Variants in CPQ observed in about 807,000 individuals in gnomAD.
CPQ encodes carboxypeptidase Q, also known as Ser-Met dipeptidase.
CPQ carries 37 observed loss-of-function variants against 45.7 expected under a neutral mutation model. The observed-to-expected ratio is 0.81, with a 90% CI of 0.62 to 1.07. CPQ has a LOEUF of 1.07. Among genes scored for constraint, CPQ ranks in the 50% least tolerant of loss-of-function variants. The pLI, the probability that CPQ is intolerant of heterozygous loss-of-function variation, is 0.00. For missense variants in CPQ, 537 were observed against 572.9 expected, an observed-to-expected ratio of 0.94 and a Z score of 0.64; for synonymous variants, 186 against 205.8, an observed-to-expected ratio of 0.90 and a Z score of 0.82.
chr8:97,130,283 T>A (rs1232029746), intron 7 of CPQ, among the ~76,000 whole-genome samples: 1 of 152,160 alleles, frequency 6.6e-6, no homozygotes, highest in African/African-American at 2.4e-5. Flanking sequence ...TATAAACTCG[T>A]CCCTGGCATC....
intron 4 of CPQ, among the ~76,000 whole-genome samples, chr8:96,895,096 G>A (rs1383355356): frequency 6.6e-6 from 1 of 152,046 alleles, no homozygotes; most frequent in East Asian, 1.9e-4. Context: ...CTTTATGGTT[G>A]CAAAAATCAC....
chr8:96,914,518 C>G (rs1274711160), intron 4 of CPQ, among the ~76,000 whole-genome samples: 2 of 152,120 alleles, frequency 1.3e-5, no homozygotes, highest in African/African-American at 4.8e-5. Context: ...TGACTTGTGT[C>G]CACAAATCTG....
intron 7 of CPQ, among the ~76,000 whole-genome samples, chr8:97,136,378 A>G (rs1812058305): frequency 6.6e-6 from 1 of 152,240 alleles, no homozygotes; most frequent in Non-Finnish European, 1.5e-5. Context: ...TACTGTTGAT[A>G]TAGATTGGCT....
In CPQ at chr8:97,011,236, A is replaced by G. The variant is rs79380057; in HGVS notation, c.962-18167A>G. Among the ~76,000 whole-genome samples the G allele has an allele frequency of 5.8e-3, 878 of 152,312 alleles. 6 individuals are homozygous for G. The highest frequency in any genetic ancestry group is 0.02 in the African/African-American group (814 of 41,578). The stretch of plus-strand genomic sequence containing the variant: ...TGACTGTCTTAGGGACTGATTGCTT[A>G]TCTCTATCAGCCAAGAAAATGCCCT... On this transcript the variant is annotated intron_variant, in intron 5 of 7. Coordinates refer to ENST00000220763, the MANE Select transcript of CPQ (RefSeq NM_016134.4).
rs1157345356 is a variant in CPQ, at chr8:96,850,583, AT to A, written c.641+15407del. 4.7e-3 allele frequency among the ~76,000 whole-genome samples: 490 copies of A among 105,080 alleles called. 2 individuals carry two copies. The highest frequency in any genetic ancestry group is 0.013 in the African/African-American group (343 of 26,020). The allele number at this position is 105,080 out of a possible 152,430, so 68.9% of individuals were successfully genotyped here. On this transcript the variant is annotated intron_variant, in intron 3 of 7. Coordinates refer to ENST00000220763, the MANE Select transcript of CPQ (RefSeq NM_016134.4). ...TTTTATTTTTATTTTATTTTATTTT[AT>A]TTTATTTATTTATTTATTTATTTAT...
In CPQ at chr8:97,097,872, A is replaced by G. The variant is rs186846143; in HGVS notation, c.1255+31662A>G. Among the ~76,000 whole-genome samples the G allele has an allele frequency of 1.1e-3, 164 of 152,324 alleles. 1 individual carries two copies. Among genetic ancestry groups the G allele is most frequent in the Non-Finnish European group, 2.2e-4 (15 of 68,034 alleles). On this transcript the variant is annotated intron_variant, in intron 7 of 7. Transcript: ENST00000220763. ...AGAGAGGTTTCTGGAAGTACCACAC[A>G]TGACTTCTGCCCAAATTCCATTGGC... is the stretch of plus-strand genomic sequence containing the variant.
intron 4 of CPQ, among the ~76,000 whole-genome samples, chr8:96,928,757 C>A (rs370445602): frequency 6.6e-6 from 1 of 152,288 alleles, no homozygotes; most frequent in African/African-American, 2.4e-5. Flanking sequence ...TGTTCACAGA[C>A]TGAAAGTTGC....
At chr8:96,743,748 G>C (rs202039066) in intron 1 of CPQ, among the ~76,000 whole-genome samples, 23 of 152,238 alleles carry the variant, frequency 1.5e-4, no homozygotes, top group African/African-American at 5.5e-4. Flanking sequence ...TGAGGTGTCA[G>C]TGTGCCCCTG....
chr8:96,786,582 T>C (rs1484377014), intron 2 of CPQ, among the ~76,000 whole-genome samples: 1 of 152,200 alleles, frequency 6.6e-6, no homozygotes, highest in African/African-American at 2.4e-5. Context: ...GCTCTATGTT[T>C]AACTTTATGA....
chr8:97,013,422 A>AGAAT (rs1273695412), intron 5 of CPQ, among the ~76,000 whole-genome samples: 1 of 152,220 alleles, frequency 6.6e-6, no homozygotes, highest in Non-Finnish European at 1.5e-5. Context: ...GTGGTAATAC[A>AGAAT]TACATTAACA....
At chr8:96,874,148 G>A (rs1294648833) in intron 3 of CPQ, among the ~76,000 whole-genome samples, 1 of 151,778 alleles carries the variant, frequency 6.6e-6, no homozygotes, top group Non-Finnish European at 1.5e-5. Context: ...TATTTTGGGT[G>A]TACTATCTTG....
chr8:96,648,837 A>G (rs1815546805), intron 1 of CPQ, among the ~76,000 whole-genome samples: 1 of 152,216 alleles, frequency 6.6e-6, no homozygotes, highest in Non-Finnish European at 1.5e-5. Flanking sequence ...GGAGGCAAGT[A>G]TGAACATGGC....
intron 1 of CPQ, among the ~76,000 whole-genome samples, chr8:96,661,494 G>A (rs758674038): frequency 1.3e-5 from 2 of 152,028 alleles, no homozygotes; most frequent in African/African-American, 2.4e-5. Context: ...CTCTGTGTTC[G>A]TAGTTTTGCC....
At chr8:96,840,685 T>A (rs753470021) in intron 3 of CPQ, among the ~76,000 whole-genome samples, 7 of 152,078 alleles carry the variant, frequency 4.6e-5, no homozygotes, top group African/African-American at 7.2e-5. Context: ...TATGAAGTAA[T>A]GAGGGCATAG....
chr8:96,982,596 A>T (rs867094497), intron 5 of CPQ, among the ~76,000 whole-genome samples: 12 of 151,652 alleles, frequency 7.9e-5, no homozygotes, highest in African/African-American at 2.9e-4. Context: ...TCCTGCCTTG[A>T]CCTCCCAAAG....
At position 96,935,012 on chromosome 8, in the gene CPQ, A is replaced by T. The variant is rs150501698; in HGVS notation, c.850-30923A>T. Among the ~76,000 whole-genome samples, 406 of 152,280 alleles carry T rather than the reference A, an allele frequency of 2.7e-3. 1 individual carries two copies. Among genetic ancestry groups the T allele is most frequent in the African/African-American group, 9.2e-3 (384 of 41,564 alleles). On this transcript the variant is annotated intron_variant, in intron 4 of 7. Coordinates refer to ENST00000220763, the MANE Select transcript of CPQ (RefSeq NM_016134.4). ...ATTAATCAGGACTCTTGGGATTTTA[A>T]ACGTCAAACACCTAGAGAAACTTGT...
At chr8:97,120,167 A>G (rs1811676605) in intron 7 of CPQ, among the ~76,000 whole-genome samples, 1 of 152,266 alleles carries the variant, frequency 6.6e-6, no homozygotes, top group East Asian at 1.9e-4. Context: ...TCTAGGGAGG[A>G]TCTCCCTAAA....
At chr8:96,951,733 T>C (rs1478727269) in intron 4 of CPQ, among the ~76,000 whole-genome samples, 4 of 152,134 alleles carry the variant, frequency 2.6e-5, no homozygotes, top group Non-Finnish European at 5.9e-5. Flanking sequence ...TTTTGATTGA[T>C]ACTCCCTCTA....
At chr8:97,032,584 CTT>C (rs1809927791) in intron 6 of CPQ, among the ~76,000 whole-genome samples, 1 of 152,178 alleles carries the variant, frequency 6.6e-6, no homozygotes, top group Admixed American at 6.5e-5. Context: ...TAGGGTCTTC[CTT>C]TCACTTCGTT....
Sources: allele counts gnomAD v4.1 joint callset (sites outside exome capture counted in the v4.1 genomes callset), GRCh38; gene constraint gnomAD v4.1.1; transcripts MANE v1.5; gene names NCBI Gene and HGNC (gene_info 2026-07-23, HGNC 2026-07-21).